AGAP1: variants seen among roughly 807,000 people sequenced by gnomAD.
AGAP1 encodes the protein arf-GAP with GTPase, ANK repeat and PH domain-containing protein 1.
A neutral mutation model predicts 105.3 loss-of-function variants in AGAP1; 29 were observed. The observed-to-expected ratio is 0.28, with a 90% CI of 0.21 to 0.38. The LOEUF (loss-of-function observed/expected upper bound fraction) is 0.38, where lower values mean the gene tolerates loss of function less well. Ranked by LOEUF, AGAP1 falls within the 10% of genes least tolerant of loss-of-function variation. The pLI, the probability that AGAP1 is intolerant of heterozygous loss-of-function variation, is 1.00. For synonymous variants in AGAP1, 509 were observed against 485.9 expected, an observed-to-expected ratio of 1.05 and a Z score of -0.63; for missense variants, 998 against 1,165.1, an observed-to-expected ratio of 0.86 and a Z score of 2.09.
At chr2:235,503,134 G>T (rs753933791) in intron 1 of AGAP1, among the ~76,000 whole-genome samples, 10 of 152,204 alleles carry the variant, frequency 6.6e-5, no homozygotes, top group Non-Finnish European at 1.3e-4. Flanking sequence ...CTGTGTGATG[G>T]TACCCTTCAG....
intron 16 of AGAP1, among the ~76,000 whole-genome samples, chr2:236,071,796 C>T (rs980070416): frequency 6.6e-6 from 1 of 152,222 alleles, no homozygotes; most frequent in East Asian, 1.9e-4. Context: ...CGCTGCTGCT[C>T]AGCCCCTGTT....
intron 6 of AGAP1, among the ~76,000 whole-genome samples, chr2:235,776,755 C>T (rs1272141846): frequency 1.3e-5 from 2 of 152,100 alleles, no homozygotes; most frequent in Admixed American, 6.5e-5. Flanking sequence ...GTACTCCAGG[C>T]ACTGCAAGCT....
Position 235,900,161 on chromosome 2 carries a change from A to G in AGAP1, c.1156-8577A>G, listed in dbSNP as rs2050999340. Among the ~76,000 whole-genome samples, 1 of 152,162 alleles carries G rather than the reference A, an allele frequency of 6.6e-6. No homozygotes were observed. The highest frequency in any genetic ancestry group is 2.1e-4 in the South Asian group (1 of 4,826). On this transcript the variant is annotated intron_variant, in intron 10 of 17. Coordinates refer to ENST00000304032, the MANE Select transcript of AGAP1 (RefSeq NM_001037131.3). This position sits in a 1 kb window ranked among gnomAD's most constrained non-coding sequence, Gnocchi z 5.5. ...GGCCTCACCAGCCTTCTCGTTTACCACGTGTAGCATAATGACCCAGACCCA... is the reference window on the plus strand; with the variant it reads ...GGCCTCACCAGCCTTCTCGTTTACCGCGTGTAGCATAATGACCCAGACCCA...
At position 235,797,051 on chromosome 2, in the gene AGAP1, G is replaced by T. The variant is rs1166837988; in HGVS notation, c.674-708G>T. Among the ~76,000 whole-genome samples the T allele has an allele frequency of 4.6e-5, 7 of 152,096 alleles. No individual in the cohort carries two copies. In the East Asian group the frequency reaches 1.2e-3, roughly 25 times the overall value. ...GCAGTCATATATTTAAATAAAAAAG[G>T]TCTTTGATATAATTACATCTCCTTG... On this transcript the variant is annotated intron_variant, in intron 6 of 17. Transcript: ENST00000304032.
Position 235,763,020 on chromosome 2 carries a change from G to A in AGAP1, c.673+12532G>A, listed in dbSNP as rs1027853358. Among the ~76,000 whole-genome samples the A allele has an allele frequency of 3.3e-4, 50 of 149,938 alleles. 1 individual carries two copies. The highest frequency in any genetic ancestry group is 1.2e-3 in the African/African-American group (48 of 40,872). The stretch of plus-strand genomic sequence containing the variant: ...GACAACACTGCCACCCGGGGGCAAT[G>A]ATTGTTAAGGCTCGGGTGTGTGTGT... On this transcript the variant is annotated intron_variant, in intron 6 of 17. Transcript: ENST00000304032.
rs967795310 is a variant in AGAP1 at position 235,609,611 on chromosome 2, C to T, written c.164-99568C>T. On this transcript the variant is annotated intron_variant, in intron 1 of 17. Coordinates refer to ENST00000304032, the MANE Select transcript of AGAP1 (RefSeq NM_001037131.3). This position sits in a 1 kb window ranked among gnomAD's most constrained non-coding sequence, Gnocchi z 5.1. Reference sequence around the variant, plus strand: ...GGACCTGCATGCGCGCTGAGGATGGCAGAGGGGCTCCTGCCTGTCTCAGTG... The same window carrying T: ...GGACCTGCATGCGCGCTGAGGATGGTAGAGGGGCTCCTGCCTGTCTCAGTG... Among the ~76,000 whole-genome samples the T allele has an allele frequency of 3.3e-5, 5 of 152,114 alleles. No individual in the cohort carries two copies. In the East Asian group the frequency reaches 7.7e-4, roughly 23 times the overall value.
At chr2:235,947,109 CA>C (rs1345665395) in intron 12 of AGAP1, among the ~76,000 whole-genome samples, 2 of 152,016 alleles carry the variant, frequency 1.3e-5, no homozygotes, top group African/African-American at 4.8e-5. Context: ...TTTTGGGGAA[CA>C]AGTGGTTTTT....
In AGAP1 at chr2:235,655,960, C is replaced by G. The variant is rs1238279690; in HGVS notation, c.164-53219C>G. Among the ~76,000 whole-genome samples, 1 of 152,120 alleles carries G rather than the reference C, an allele frequency of 6.6e-6. No homozygotes were observed. Among genetic ancestry groups the G allele is most frequent in the East Asian group, 1.9e-4 (1 of 5,188 alleles). ...GGCAGTTGTTGGAGCTCCGATACTTCCAATAAGTAACTAGCAGGGCTGTAC... is the reference window on the plus strand; with the variant it reads ...GGCAGTTGTTGGAGCTCCGATACTTGCAATAAGTAACTAGCAGGGCTGTAC... On this transcript the variant is annotated intron_variant, in intron 1 of 17. Coordinates refer to ENST00000304032, the MANE Select transcript of AGAP1 (RefSeq NM_001037131.3). This position sits in a 1 kb window ranked among gnomAD's most constrained non-coding sequence, Gnocchi z 4.3.
chr2:235,815,702 G>C (rs551103769), intron 9 of AGAP1, among the ~76,000 whole-genome samples: 1 of 152,290 alleles, frequency 6.6e-6, no homozygotes, highest in African/African-American at 2.4e-5. Flanking sequence ...ACTTGAAGAG[G>C]CCGCATGCGT....
chr2:235,602,991 C>A (rs183017474), intron 1 of AGAP1, among the ~76,000 whole-genome samples: 1 of 152,146 alleles, frequency 6.6e-6, no homozygotes, highest in Non-Finnish European at 1.5e-5. Flanking sequence ...CGTGAGCCAC[C>A]GTGCCTGGCC....
Position 235,893,671 on chromosome 2 carries a change from C to T in AGAP1, c.1155+10222C>T, listed in dbSNP as rs2050663804. On this transcript the variant is annotated intron_variant, in intron 10 of 17. Transcript: ENST00000304032. This position sits in a 1 kb window ranked among gnomAD's most constrained non-coding sequence, Gnocchi z 4.7. ...CCTCGGGTGAGAATGTCCCTTTCTG[C>T]CCCATCTAGTGTATGTCATTGAGGA... Among the ~76,000 whole-genome samples, 1 of 152,138 alleles carries T rather than the reference C, an allele frequency of 6.6e-6. No homozygotes were observed. The highest frequency in any genetic ancestry group is 2.4e-5 in the African/African-American group (1 of 41,428).
chr2:235,759,837 T>A (rs1053966872), intron 6 of AGAP1, among the ~76,000 whole-genome samples: 5 of 152,226 alleles, frequency 3.3e-5, no homozygotes, highest in Admixed American at 1.3e-4. Flanking sequence ...GGTTAAATTA[T>A]AAACTGAAAT....
chr2:236,093,613 G>A (rs1010190082), intron 16 of AGAP1, among the ~76,000 whole-genome samples: 9 of 152,208 alleles, frequency 5.9e-5, no homozygotes, highest in Non-Finnish European at 1.0e-4. Context: ...ATAAGAGGAT[G>A]ACCAAAGGCA....
At position 235,577,501 on chromosome 2, in the gene AGAP1, GTGTT is replaced by G. The variant is rs974427863; in HGVS notation, c.163+82659_163+82662del. On this transcript the variant is annotated intron_variant, in intron 1 of 17. Coordinates refer to ENST00000304032, the MANE Select transcript of AGAP1 (RefSeq NM_001037131.3). This position sits in a 1 kb window ranked among gnomAD's most constrained non-coding sequence, Gnocchi z 4.5. ...GAATGCCTGCTTGGAGCAGAGTCCTGTGTTTGTTTGGAAATGATCGGAAGCTCCT... is the reference window on the plus strand; with the variant it reads ...GAATGCCTGCTTGGAGCAGAGTCCTGTGTTTGGAAATGATCGGAAGCTCCT... Among the ~76,000 whole-genome samples, 11 of 152,056 alleles carry G rather than the reference GTGTT, an allele frequency of 7.2e-5. No homozygotes were observed. Among genetic ancestry groups the G allele is most frequent in the African/African-American group, 2.4e-4 (10 of 41,410 alleles).
rs1413582321 is a variant in AGAP1 at position 235,599,769 on chromosome 2, C to T, written c.163+104920C>T. ...CTGGCTCTCTAGGGCTTTTCCCCTC[C>T]AGGTTCAGAGAGAGCGCCTGCCCCA... On this transcript the variant is annotated intron_variant, in intron 1 of 17. Coordinates refer to ENST00000304032, the MANE Select transcript of AGAP1 (RefSeq NM_001037131.3). This position sits in a 1 kb window ranked among gnomAD's most constrained non-coding sequence, Gnocchi z 5.3. Among the ~76,000 whole-genome samples the T allele has an allele frequency of 6.6e-6, 1 of 152,180 alleles. No individual in the cohort carries two copies. Among genetic ancestry groups the T allele is most frequent in the South Asian group, 2.1e-4 (1 of 4,822 alleles).
intron 13 of AGAP1, among the ~76,000 whole-genome samples, chr2:235,987,085 A>T (rs532026088): frequency 6.6e-6 from 1 of 151,772 alleles, no homozygotes; most frequent in East Asian, 1.9e-4. Context: ...TTCAGCTGTG[A>T]ATCTGGTCCT....
At position 236,027,065 on chromosome 2, in the gene AGAP1, C is replaced by T. The variant is rs1178402116; in HGVS notation, c.1646-9496C>T. ...GGTATTATTTTCTATGTTTATTACT[C>T]CATGCAGTAGATTTGTTATGGATAA... On this transcript the variant is annotated intron_variant, in intron 13 of 17. Coordinates refer to ENST00000304032, the MANE Select transcript of AGAP1 (RefSeq NM_001037131.3). The surrounding 1 kb of genome is among the most constrained non-coding windows in gnomAD (Gnocchi z 4.4). 6.6e-6 allele frequency among the ~76,000 whole-genome samples: 1 copy of T among 152,194 alleles called. No homozygotes were observed. Among genetic ancestry groups the T allele is most frequent in the Non-Finnish European group, 1.5e-5 (1 of 68,042 alleles).
chr2:235,709,744 T>G (rs10181993), intron 2 of AGAP1, among the ~76,000 whole-genome samples: 78,859 of 151,950 alleles, frequency 0.52, 21,984 homozygotes, highest in African/African-American at 0.71. Context: ...TTTTTGTCTT[T>G]TACGAACCTT....
At chr2:235,941,281 G>C (rs563322543) in intron 12 of AGAP1, among the ~76,000 whole-genome samples, 1 of 152,284 alleles carries the variant, frequency 6.6e-6, no homozygotes, top group South Asian at 2.1e-4. Context: ...AAAGTCAGTG[G>C]TGTAAATTAA....
Sources: allele counts gnomAD v4.1 joint callset (sites outside exome capture counted in the v4.1 genomes callset), GRCh38; gene constraint gnomAD v4.1.1; non-coding constraint Gnocchi (gnomAD v3.1); transcripts MANE v1.5; gene names NCBI Gene and HGNC (gene_info 2026-07-23, HGNC 2026-07-21).